Variants in SYMPK observed in about 807,000 individuals in gnomAD.
SYMPK encodes symplekin scaffold protein.
In SYMPK, 49 loss-of-function variants were observed where a neutral mutation model predicts 136.4. The observed-to-expected ratio is 0.36, with a 90% CI of 0.29 to 0.46. The LOEUF is 0.46. Among genes scored for constraint, SYMPK ranks in the 20% least tolerant of loss-of-function variants. SYMPK has a pLI of 1.00. For missense variants in SYMPK, 1,365 were observed against 1,690.0 expected, an observed-to-expected ratio of 0.81 and a Z score of 3.37; for synonymous variants, 766 against 713.0, an observed-to-expected ratio of 1.07 and a Z score of -1.19.
intron 1 of SYMPK, among the ~76,000 whole-genome samples, chr19:45,857,150 T>C (rs986434869): frequency 4.0e-5 from 6 of 151,582 alleles, no homozygotes; most frequent in African/African-American, 1.5e-4. Flanking sequence ...GGCTCACACG[T>C]GTAATCCCAG....
chr19:45,826,143 T>C, intron 17 of SYMPK, 83 bp downstream of exon 17: 1 of 1,519,960 alleles, frequency 6.6e-7, no homozygotes, highest in Non-Finnish European at 8.9e-7. Context: ...TCCGAGTGGC[T>C]TCCCCACTCA....
intron 23 of SYMPK, chr19:45,817,234 A>G (rs376745480): frequency 1.0e-5 from 5 of 478,042 alleles, no homozygotes; most frequent in Non-Finnish European, 1.8e-5. Flanking sequence ...GGCCAGGCCC[A>G]GGCTAAGTGC....
intron 16 of SYMPK, among the ~76,000 whole-genome samples, chr19:45,827,194 C>A (rs113433335): frequency 6.6e-6 from 1 of 152,204 alleles, no homozygotes; most frequent in African/African-American, 2.4e-5. Flanking sequence ...CTGGGCTGCA[C>A]GAGGAGCCTG....
At chr19:45,822,141 T>C (rs1310886202) in intron 21 of SYMPK, among the ~76,000 whole-genome samples, 2 of 119,358 alleles carry the variant, frequency 1.7e-5, no homozygotes, top group Admixed American at 9.9e-5. Flanking sequence ...TTTTTTGAGA[T>C]GGAGTCTCAC....
chr19:45,830,921 A>C (rs550991722), intron 12 of SYMPK: 1 of 148,962 alleles, frequency 6.7e-6, no homozygotes, highest in African/African-American at 2.5e-5. Flanking sequence ...AATAATAAAA[A>C]GACTTGGGTG....
At chr19:45,862,533 A>T (rs1463618670) in intron 1 of SYMPK, 3 of 152,508 alleles carry the variant, frequency 2.0e-5, no homozygotes, top group Non-Finnish European at 4.4e-5. Context: ...GCACACAGAT[A>T]AGAGTCGGAT....
intron 13 of SYMPK, among the ~76,000 whole-genome samples, chr19:45,829,732 T>G (rs763624946): frequency 2.0e-4 from 31 of 152,138 alleles, no homozygotes; most frequent in Non-Finnish European, 3.7e-4. Context: ...TAAAGCTAAA[T>G]AGTAACAGTA....
intron 7 of SYMPK, 52 bp from the exon 8 acceptor site, chr19:45,844,252 T>G: frequency 2.1e-6 from 3 of 1,440,762 alleles, no homozygotes; most frequent in Non-Finnish European, 2.8e-6. Flanking sequence ...CCCAGGCCTC[T>G]GGAGACAGCA....
chr19:45,833,033 A>AC (rs1555794576), intron 11 of SYMPK, among the ~76,000 whole-genome samples: 1 of 142,978 alleles, frequency 7.0e-6, no homozygotes, highest in Non-Finnish European at 1.6e-5. Context: ...AAAAAAAAAA[A>AC]CCGTGAAAAA....
intron 1 of SYMPK, among the ~76,000 whole-genome samples, chr19:45,857,737 C>T (rs1466428606): frequency 1.3e-5 from 2 of 151,684 alleles, no homozygotes; most frequent in African/African-American, 2.4e-5. Context: ...GTGATCCGCC[C>T]GCCTTGGCCT....
At chr19:45,859,296 T>TAAAAAA (rs34863014) in intron 1 of SYMPK, among the ~76,000 whole-genome samples, 1 of 134,466 alleles carries the variant, frequency 7.4e-6, no homozygotes. Flanking sequence ...GACAAGTCTT[T>TAAAAAA]AAAAAAAAAA....
chr19:45,817,250 G>C, intron 23 of SYMPK: 1 of 446,586 alleles, frequency 2.2e-6, no homozygotes. Flanking sequence ...AGTGCTGCGG[G>C]AGCACCTCTC....
At chr19:45,862,700 G>A (rs749137942) in intron 1 of SYMPK, 58 of 206,228 alleles carry the variant, frequency 2.8e-4, no homozygotes, top group Non-Finnish European at 5.0e-4. Flanking sequence ...CAAGCCGAAT[G>A]GGTAAAAGGA....
Position 45,821,883 on chromosome 19 carries a change from T to C in SYMPK, c.2792-398A>G, listed in dbSNP as rs1970909389. ...GCAAGATGGAGCCAGGCTACAGGCT[T>C]CCAAAAAGTGGCTGGAGCCTTCTGC... On this transcript the variant is annotated intron_variant, in intron 21 of 26. Coordinates refer to ENST00000245934, the MANE Select transcript of SYMPK (RefSeq NM_004819.3). The surrounding 1 kb of genome is among the most constrained non-coding windows in gnomAD (Gnocchi z 4.4). 6.6e-6 allele frequency among the ~76,000 whole-genome samples: 1 copy of C among 152,044 alleles called. No homozygotes were observed. The highest frequency in any genetic ancestry group is 1.5e-5 in the Non-Finnish European group (1 of 67,992).
rs1970872730 is a variant in SYMPK at position 45,820,869 on chromosome 19, T to C, written c.2893+515A>G. 4 of 503,054 alleles carry C rather than the reference T, an allele frequency of 8.0e-6. No homozygotes were observed. In the East Asian group the frequency reaches 1.4e-4, roughly 17 times the overall value. 31.2% of individuals were successfully genotyped at this position (503,054 alleles called of 1,614,324 possible). On this transcript the variant is annotated intron_variant, in intron 22 of 26. Coordinates refer to ENST00000245934, the MANE Select transcript of SYMPK (RefSeq NM_004819.3). ...TGGCGGACCAGCAGGCTCAGGCCTG[T>C]AGGCGTTCAGGGAGAGCCCAGCGCA...
intron 16 of SYMPK, 36 bp downstream of exon 16, chr19:45,827,474 G>A (rs1395955690): frequency 6.5e-7 from 1 of 1,543,784 alleles, no homozygotes; most frequent in African/African-American, 1.4e-5. Context: ...GCAAGCTGCA[G>A]GCTGAGGGCA....
At chr19:45,831,815 A>G (rs1002125466) in intron 11 of SYMPK, among the ~76,000 whole-genome samples, 4 of 152,126 alleles carry the variant, frequency 2.6e-5, no homozygotes, top group African/African-American at 7.2e-5. Flanking sequence ...CAAATGCTAC[A>G]GCCACTTTGG....
At chr19:45,856,470 G>A (rs1429171510) in intron 1 of SYMPK, among the ~76,000 whole-genome samples, 1 of 152,140 alleles carries the variant, frequency 6.6e-6, no homozygotes, top group Non-Finnish European at 1.5e-5. Context: ...AGAATGACCT[G>A]AGGCAAGACA....
At chr19:45,843,772 C>A (rs1243410951) in intron 8 of SYMPK, among the ~76,000 whole-genome samples, 2 of 151,886 alleles carry the variant, frequency 1.3e-5, no homozygotes, top group East Asian at 1.9e-4. Flanking sequence ...CGGTGAAACC[C>A]CGTCTCTACT....
Sources: gnomAD v4.1 joint callset for allele counts (sites outside exome capture counted in the v4.1 genomes callset) on GRCh38, gnomAD v4.1.1 for gene constraint, Gnocchi (gnomAD v3.1) non-coding constraint, MANE v1.5 for transcripts, NCBI Gene and HGNC (gene_info 2026-07-23, HGNC 2026-07-21) for gene names.